KCNIP1: variants seen among roughly 807,000 people sequenced by gnomAD.
KCNIP1 encodes the protein potassium voltage-gated channel interacting protein 1, also known as A-type potassium channel modulatory protein KCNIP1.
In KCNIP1, 18 loss-of-function variants were observed where a neutral mutation model predicts 33.0. That is an observed-to-expected ratio of 0.55 (90% CI 0.38 to 0.81). The LOEUF is 0.81. Ranked by LOEUF, KCNIP1 falls within the 30% of genes least tolerant of loss-of-function variation. KCNIP1 has a pLI of 0.00. For missense variants in KCNIP1, 238 were observed against 271.6 expected, an observed-to-expected ratio of 0.88 and a Z score of 0.87; for synonymous variants, 93 against 98.3, an observed-to-expected ratio of 0.95 and a Z score of 0.32.
intron 1 of KCNIP1, among the ~76,000 whole-genome samples, chr5:170,603,796 C>T (rs941173165): frequency 6.6e-6 from 1 of 152,152 alleles, no homozygotes; most frequent in Non-Finnish European, 1.5e-5. Context: ...AGCCCAGATC[C>T]GGCAGGGCCT....
chr5:170,712,906 A>G, intron 1 of KCNIP1: 2 of 1,608,846 alleles, frequency 1.2e-6, no homozygotes, highest in Non-Finnish European at 1.7e-6. Context: ...AGTTTAAACT[A>G]ACCTGACTTT....
At chr5:170,414,630 C>G (rs1175937342) in intron 1 of KCNIP1, among the ~76,000 whole-genome samples, 2 of 152,228 alleles carry the variant, frequency 1.3e-5, no homozygotes, top group Non-Finnish European at 2.9e-5. Context: ...CTCAATTAAA[C>G]TCTTTCAAAT....
At chr5:170,658,641 G>A (rs1358687977) in intron 1 of KCNIP1, among the ~76,000 whole-genome samples, 1 of 152,058 alleles carries the variant, frequency 6.6e-6, no homozygotes, top group Non-Finnish European at 1.5e-5. Flanking sequence ...TGCCGGTGGT[G>A]GGCAGCTGAG....
chr5:170,705,216 A>C (rs1359940210), intron 1 of KCNIP1, among the ~76,000 whole-genome samples: 1 of 152,222 alleles, frequency 6.6e-6, no homozygotes, highest in Non-Finnish European at 1.5e-5. Flanking sequence ...TTAATAATTC[A>C]AGGTGTGTCT....
At chr5:170,480,069 G>A (rs140526149) in intron 1 of KCNIP1, among the ~76,000 whole-genome samples, 4 of 152,084 alleles carry the variant, frequency 2.6e-5, no homozygotes, top group South Asian at 2.1e-4. Context: ...CACACAAAAC[G>A]TCATACTGAT....
At chr5:170,584,830 C>T (rs1041325500) in intron 1 of KCNIP1, among the ~76,000 whole-genome samples, 1 of 152,146 alleles carries the variant, frequency 6.6e-6, no homozygotes, top group African/African-American at 2.4e-5. Flanking sequence ...CTCCACATTC[C>T]TCCCCACAGT....
chr5:170,367,406 AAAGAAAGAAAGAAAGG>A (rs1763710181), intron 1 of KCNIP1, among the ~76,000 whole-genome samples: 1 of 120,536 alleles, frequency 8.3e-6, no homozygotes, highest in Non-Finnish European at 1.8e-5. Context: ...AGAAAGAAAG[AAAGAAAGAAAGAAAGG>A]AAAGAAAGAA....
At chr5:170,553,280 G>GTTC (rs1450012092) in intron 1 of KCNIP1, among the ~76,000 whole-genome samples, 1 of 152,206 alleles carries the variant, frequency 6.6e-6, no homozygotes, top group African/African-American at 2.4e-5. Context: ...TGTATTCCTG[G>GTTC]TTCTTGTTTA....
chr5:170,630,474 A>G (rs990791380), intron 1 of KCNIP1, among the ~76,000 whole-genome samples: 5 of 152,204 alleles, frequency 3.3e-5, no homozygotes, highest in African/African-American at 1.2e-4. Context: ...CGTACAGATG[A>G]GTAGGGGGTC....
At chr5:170,720,595 G>A (rs2113872226) in intron 3 of KCNIP1, among the ~76,000 whole-genome samples, 1 of 152,316 alleles carries the variant, frequency 6.6e-6, no homozygotes, top group South Asian at 2.1e-4. Flanking sequence ...CCCTGGAAGG[G>A]GAAGAAGGGC....
At position 170,362,838 on chromosome 5, in the gene KCNIP1, G is replaced by A. The variant is rs75444438; in HGVS notation, c.88+8874G>A. Among the ~76,000 whole-genome samples the A allele has an allele frequency of 3.8e-4, 58 of 152,324 alleles. No individual in the cohort carries two copies. The East Asian group carries it at 9.7e-3, about 25-fold the overall frequency. On this transcript the variant is annotated intron_variant, in intron 1 of 7. Coordinates refer to the KCNIP1 transcript ENST00000377360. ...TTTTCAAACCATCTGTGCTTGGCAG[G>A]CTGGGCCGAGCCCAGGCTTACTGCT...
intron 1 of KCNIP1, among the ~76,000 whole-genome samples, chr5:170,459,042 T>C (rs1252813493): frequency 6.6e-6 from 1 of 151,980 alleles, no homozygotes; most frequent in Non-Finnish European, 1.5e-5. Context: ...GGAGTAACTA[T>C]TCTTATATCA....
chr5:170,711,154 G>A (rs1425735417), intron 1 of KCNIP1, among the ~76,000 whole-genome samples: 1 of 152,182 alleles, frequency 6.6e-6, no homozygotes. Context: ...AACTGGTTGA[G>A]TAACAACTGT....
chr5:170,509,646 A>G (rs1754858605), intron 1 of KCNIP1, among the ~76,000 whole-genome samples: 1 of 152,276 alleles, frequency 6.6e-6, no homozygotes, highest in Non-Finnish European at 1.5e-5. Flanking sequence ...GAATGATCGA[A>G]TAAATGACCA....
rs574997797 is a variant in KCNIP1, at chr5:170,477,744, G to A, written c.88+123780G>A. Among the ~76,000 whole-genome samples, 120 of 152,230 alleles carry A rather than the reference G, an allele frequency of 7.9e-4. 1 individual carries two copies. The highest frequency in any genetic ancestry group is 7.8e-3 in the Admixed American group (120 of 15,294). Reference sequence around the variant, plus strand: ...GGTGTGAGTGAAAGCACCTGGCCGGGTTGGCTCTTATCTATTTACTTGATA... The same window carrying A: ...GGTGTGAGTGAAAGCACCTGGCCGGATTGGCTCTTATCTATTTACTTGATA... On this transcript the variant is annotated intron_variant, in intron 1 of 7. Coordinates refer to the KCNIP1 transcript ENST00000377360.
chr5:170,475,003 A>G (rs1012437793), intron 1 of KCNIP1, among the ~76,000 whole-genome samples: 3 of 152,162 alleles, frequency 2.0e-5, no homozygotes, highest in Non-Finnish European at 2.9e-5. Flanking sequence ...CAGAGTGCCA[A>G]TTGGTCCATT....
upstream of KCNIP1, among the ~76,000 whole-genome samples, chr5:170,502,609 A>G (rs960806983): frequency 3.9e-5 from 6 of 152,142 alleles, no homozygotes; most frequent in African/African-American, 1.4e-4. Context: ...TGTGTGTACA[A>G]TAGCAATGTC....
At chr5:170,639,031 C>T (rs931805) in intron 1 of KCNIP1, 14,152 of 152,328 alleles carry the variant, frequency 0.093, 1,203 homozygotes, top group African/African-American at 0.23. Flanking sequence ...GGGCGGAACA[C>T]CTCTGCCGCA....
At chr5:170,660,622 G>A (rs965046349) in intron 1 of KCNIP1, among the ~76,000 whole-genome samples, 1 of 152,208 alleles carries the variant, frequency 6.6e-6, no homozygotes, top group African/African-American at 2.4e-5. Flanking sequence ...CCTGGGCTTA[G>A]TGTCTGCCTC....
Sources: allele counts gnomAD v4.1 joint callset (sites outside exome capture counted in the v4.1 genomes callset), GRCh38; gene constraint gnomAD v4.1.1; transcripts MANE v1.5; gene names NCBI Gene and HGNC (gene_info 2026-07-23, HGNC 2026-07-21).